Variants in TRAK1 observed in about 807,000 individuals in gnomAD.
TRAK1 encodes trafficking kinesin protein 1.
In TRAK1, 33 loss-of-function variants were observed where a neutral mutation model predicts 92.1. That is an observed-to-expected ratio of 0.36 (90% CI 0.27 to 0.48). The LOEUF is 0.48. Ranked by LOEUF, TRAK1 falls within the 20% of genes least tolerant of loss-of-function variation. TRAK1 has a pLI of 0.99. For missense variants in TRAK1, 1,123 were observed against 1,257.9 expected (o/e 0.89, Z 1.62); for synonymous variants, 521 against 517.3 (o/e 1.01, Z -0.10).
intron 1 of TRAK1, among the ~76,000 whole-genome samples, chr3:42,070,960 C>A (rs1304038726): frequency 6.6e-6 from 1 of 151,932 alleles, no homozygotes; most frequent in Non-Finnish European, 1.5e-5. Context: ...GGTTCTTAGG[C>A]CTGTGGGCAA....
Position 42,193,137 on chromosome 3 carries a change from G to C in TRAK1, c.832G>C (p.Ala278Pro), listed in dbSNP as rs1279090779. The part of the protein sequence containing the change: ...EELAKKTEDA[A>P]RQQEEITHLL... ...ACTGGCCAAGAAGACGGAAGATGCT[G>C]CCCGCCAGCAAGAGGAGATCACACA... The change falls in exon 8 of 16, where the codon GCC (alanine) becomes CCC (proline). Residue 278 changes from alanine to proline, a missense_variant. By Grantham distance (27) the Ala-to-Pro change is conservative (BLOSUM62 -1). Around this residue, in one of 3 missense-constraint regions of TRAK1, gnomAD observed 686 missense variants for 747.6 expected, o/e 0.92. Coordinates refer to ENST00000327628, the MANE Select transcript of TRAK1 (RefSeq NM_001042646.3). 2.5e-6 allele frequency: 4 copies of C among 1,614,096 alleles called. No individual in the cohort carries two copies. Among genetic ancestry groups the C allele is most frequent in the Non-Finnish European group, 3.4e-6 (4 of 1,180,028 alleles).
At chr3:42,151,588 A>G (rs1044957305) in intron 2 of TRAK1, among the ~76,000 whole-genome samples, 1 of 152,200 alleles carries the variant, frequency 6.6e-6, no homozygotes, top group East Asian at 1.9e-4. Flanking sequence ...TCATACTCCC[A>G]TTTAAAGAGG....
Position 42,194,875 on chromosome 3 carries a change from C to A in TRAK1, c.1047C>A (p.Asn349Lys). Residue 349 changes from asparagine (N) to lysine (K), a missense_variant, in exon 10 of 16, where the codon AAC becomes AAA. Asn to Lys is a moderately conservative substitution (Grantham distance 94). Transcript: ENST00000327628. ...ATGAGGCGCAGGAGGAGCTGAAGAA[C>A]CTCCGGAACAAAACCATGCCCAATA... ...MLHEAQEELK[N>K]LRNKTMPNTT... 6.2e-7 allele frequency: 1 copy of A among 1,613,966 alleles called. No individual in the cohort carries two copies. The highest frequency in any genetic ancestry group is 8.5e-7 in the Non-Finnish European group (1 of 1,179,958).
intron 14 of TRAK1, chr3:42,210,869 G>GT (rs34348608): frequency 0.23 from 226,310 of 985,174 alleles, 27,538 homozygotes; most frequent in East Asian, 0.38. Context: ...AGCATTAAAG[G>GT]TGTGGCCATG....
intron 1 of TRAK1, among the ~76,000 whole-genome samples, chr3:42,065,986 C>T (rs1703660074): frequency 6.6e-6 from 1 of 152,176 alleles, no homozygotes. Flanking sequence ...ATTCCTTGTG[C>T]CAAAAATGCC....
intron 1 of TRAK1, among the ~76,000 whole-genome samples, chr3:42,044,613 T>C (rs1409402875): frequency 6.6e-6 from 1 of 152,234 alleles, no homozygotes; most frequent in East Asian, 1.9e-4. Context: ...AGTTCAAGGC[T>C]GTCTGTGCCA....
chr3:42,176,876 C>T lies in TRAK1; in HGVS notation c.349C>T (p.Arg117Trp), dbSNP rs757849094. Residue 117 changes from arginine to tryptophan, a missense_variant, in exon 3 of 16, where the codon CGG (arginine) becomes TGG (tryptophan). Arg to Trp is a moderately radical substitution (Grantham distance 101). Transcript: ENST00000327628. ...ATATAATGACATAGATGCTGTCACT[C>T]GGCTTCTTGAGGAGGTAAGTGCTCC... ...KTYNDIDAVT[R>W]LLEEKERDLE... is the part of the protein sequence containing the mutation. 5.6e-6 allele frequency: 9 copies of T among 1,613,806 alleles called. No individual in the cohort carries two copies. Among genetic ancestry groups the T allele is most frequent in the East Asian group, 2.2e-5 (1 of 44,896 alleles).
Position 42,202,754 on chromosome 3 carries a change from T to C in TRAK1, c.1744+2T>C. 1 of 1,613,480 alleles carries C rather than the reference T, an allele frequency of 6.2e-7. No homozygotes were observed. Among genetic ancestry groups the C allele is most frequent in the Non-Finnish European group, 8.5e-7 (1 of 1,179,564 alleles). On this transcript the variant is annotated splice_donor_variant, in intron 13 of 15. Transcript: ENST00000327628. LOFTEE classifies it high-confidence loss of function. This position sits in a 1 kb window ranked among gnomAD's most constrained non-coding sequence, Gnocchi z 6.1. ...TCCAGATCGTGAAGCCGCTGGAAGG[T>C]GATCACGCGGGGCCTCGGCCCCTCT... is the stretch of plus-strand genomic sequence containing the variant.
At chr3:42,178,918 T>C (rs1349290811) in intron 3 of TRAK1, among the ~76,000 whole-genome samples, 2 of 151,954 alleles carry the variant, frequency 1.3e-5, no homozygotes, top group Non-Finnish European at 2.9e-5. Context: ...GAGATTGCCG[T>C]GCACCGAGAT....
chr3:42,052,134 G>A lies in TRAK1; in HGVS notation c.-518-34970G>A, dbSNP rs548582535. 6.6e-5 allele frequency among the ~76,000 whole-genome samples: 10 copies of A among 152,342 alleles called. No individual in the cohort carries two copies. The South Asian group carries it at 1.0e-3, about 16-fold the overall frequency. On this transcript the variant is annotated intron_variant, in intron 1 of 16. Coordinates refer to the TRAK1 transcript ENST00000487159. ...TAAATTAAAGAAGCACCACCTGGGC[G>A]GGTCTCTAAGGGACATGGCATCAGC...
rs188910934 is a variant in TRAK1 at position 42,181,604 on chromosome 3, A to G, written c.364-3081A>G. ...ATATCAGCGCTTGTTGGAACTTGGC[A>G]GCCTGGATGCATGAAGGCAATGCAG... On this transcript the variant is annotated intron_variant, in intron 3 of 15. Coordinates refer to ENST00000327628, the MANE Select transcript of TRAK1 (RefSeq NM_001042646.3). 9.7e-3 allele frequency among the ~76,000 whole-genome samples: 1,481 copies of G among 152,308 alleles called. 18 individuals carry two copies. Among genetic ancestry groups the G allele is most frequent in the Non-Finnish European group, 0.014 (921 of 68,020 alleles).
At chr3:42,129,933 T>A (rs1696974192) in intron 2 of TRAK1, among the ~76,000 whole-genome samples, 1 of 152,098 alleles carries the variant, frequency 6.6e-6, no homozygotes. Context: ...AAAAACCCCA[T>A]CAAAACCTTA....
chr3:42,162,658 T>A (rs1329803057), intron 2 of TRAK1, among the ~76,000 whole-genome samples: 1 of 152,162 alleles, frequency 6.6e-6, no homozygotes, highest in African/African-American at 2.4e-5. Flanking sequence ...AAAGTTTAGG[T>A]ATCTTAGGGG....
chr3:42,196,994 TCTCTCTCTCACA>T (rs1447637071), intron 10 of TRAK1, among the ~76,000 whole-genome samples: 1 of 91,868 alleles, frequency 1.1e-5, no homozygotes, highest in African/African-American at 4.4e-5. Flanking sequence ...TCTCTCTCTC[TCTCTCTCTCACA>T]CACACACACA....
rs757605634 is a variant in TRAK1 at position 42,202,734 on chromosome 3, A to G, written c.1726A>G (p.Ile576Val). ...SRSYLPEKLQ[I>V]VKPLEGSATL... ...CTCCTACCTGCCTGAGAAGCTCCAG[A>G]TCGTGAAGCCGCTGGAAGGTGATCA... is the stretch of plus-strand genomic sequence containing the variant. The change falls in exon 13 of 16, where the codon ATC becomes GTC. Residue 576 changes from isoleucine to valine, a missense_variant. Around this residue, in one of 3 missense-constraint regions of TRAK1, gnomAD observed 36 missense variants for 71.3 expected, o/e 0.50. Transcript: ENST00000327628. This position sits in a 1 kb window ranked among gnomAD's most constrained non-coding sequence, Gnocchi z 6.1. 6 of 1,613,712 alleles carry G rather than the reference A, an allele frequency of 3.7e-6. No individual in the cohort carries two copies. In the African/African-American group the frequency reaches 8.0e-5, roughly 22 times the overall value.
chr3:42,084,614 G>T (rs1223436018), upstream of TRAK1, among the ~76,000 whole-genome samples: 3 of 152,130 alleles, frequency 2.0e-5, no homozygotes, highest in Non-Finnish European at 2.9e-5. Context: ...GCTTCAGCCG[G>T]TGAATTCCCA....
chr3:42,025,274 A>C (rs1365460298), intron 1 of TRAK1, among the ~76,000 whole-genome samples: 1 of 152,196 alleles, frequency 6.6e-6, no homozygotes, highest in Non-Finnish European at 1.5e-5. Context: ...AGACCCTGGC[A>C]ACGAGGCACG....
intron 2 of TRAK1, among the ~76,000 whole-genome samples, chr3:42,168,798 T>C (rs1465043551): frequency 1.3e-5 from 2 of 152,054 alleles, no homozygotes; most frequent in Admixed American, 1.3e-4. Context: ...TCTCAAACTC[T>C]TGGGCTCAAG....
chr3:42,196,572 C>G (rs940343699), intron 10 of TRAK1, among the ~76,000 whole-genome samples: 1 of 142,062 alleles, frequency 7.0e-6, no homozygotes, highest in African/African-American at 2.6e-5. Flanking sequence ...GAGTCTTGCT[C>G]TGTCATCCAG....
Sources: allele counts gnomAD v4.1 joint callset (sites outside exome capture counted in the v4.1 genomes callset), GRCh38; gene constraint gnomAD v4.1.1; regional missense constraint gnomAD v4.1.1; non-coding constraint Gnocchi (gnomAD v3.1); transcripts MANE v1.5; gene names NCBI Gene and HGNC (gene_info 2026-07-23, HGNC 2026-07-21).